Variants in NWD1 observed in about 807,000 individuals in gnomAD.
NWD1 encodes NACHT and WD repeat domain containing 1.
A neutral mutation model predicts 135.1 loss-of-function variants in NWD1; 129 were observed. The observed-to-expected ratio is 0.96, with a 90% CI of 0.83 to 1.11. The LOEUF is 1.11. NWD1 is among the 50% of genes least tolerant of loss of function. NWD1 has a pLI of 0.00. For missense variants in NWD1, 1,740 were observed against 1,851.3 expected (o/e 0.94, Z 1.10); for synonymous variants, 773 against 786.0 (o/e 0.98, Z 0.28).
At chr19:16,775,326 G>C (rs1384732667) in intron 11 of NWD1, among the ~76,000 whole-genome samples, 13 of 151,988 alleles carry the variant, frequency 8.6e-5, no homozygotes, top group Admixed American at 8.5e-4. Context: ...AAATATCAGT[G>C]GCTTAAATAA....
chr19:16,726,699 A>G (rs1055339192), intron 2 of NWD1, among the ~76,000 whole-genome samples: 1 of 152,188 alleles, frequency 6.6e-6, no homozygotes, highest in Non-Finnish European at 1.5e-5. Context: ...TCGGCCTCCC[A>G]AAGTGCTGGG....
intron 4 of NWD1, among the ~76,000 whole-genome samples, chr19:16,741,551 T>G (rs1968085129): frequency 6.6e-6 from 1 of 151,666 alleles, no homozygotes; most frequent in African/African-American, 2.4e-5. Context: ...ATATTTTTAA[T>G]AGATATGGGG....
intron 6 of NWD1, among the ~76,000 whole-genome samples, chr19:16,755,209 A>ATC (rs907853482): frequency 6.6e-5 from 10 of 151,544 alleles, no homozygotes; most frequent in Non-Finnish European, 1.3e-4. Context: ...TATCATTAAT[A>ATC]TCTCTCTCTC....
At position 16,764,730 on chromosome 19, in the gene NWD1, C is replaced by T. The variant is rs900006023; in HGVS notation, c.2252-304C>T. Among the ~76,000 whole-genome samples, 6 of 152,232 alleles carry T rather than the reference C, an allele frequency of 3.9e-5. No homozygotes were observed. In the East Asian group the frequency reaches 5.8e-4, roughly 15 times the overall value. On this transcript the variant is annotated intron_variant, in intron 9 of 18. Transcript: ENST00000524140. Reference sequence around the variant, plus strand: ...CTCTATCCATCCATTCACCAATCCCCGTGATTCTTAACCAGAAGAGATTCT... The same window carrying T: ...CTCTATCCATCCATTCACCAATCCCTGTGATTCTTAACCAGAAGAGATTCT...
At position 16,789,716 on chromosome 19, in the gene NWD1, CT is replaced by C. The variant is rs11383216; in HGVS notation, c.2940+545del. Among the ~76,000 whole-genome samples, 987 of 119,556 alleles carry C rather than the reference CT, an allele frequency of 8.3e-3. 3 individuals carry two copies. The highest frequency in any genetic ancestry group is 0.022 in the African/African-American group (664 of 30,716). The allele number at this position is 119,556 out of a possible 152,430, so 78.4% of individuals were successfully genotyped here. On this transcript the variant is annotated intron_variant, in intron 13 of 18. Coordinates refer to ENST00000524140, the MANE Select transcript of NWD1 (RefSeq NM_001007525.5). ...TATAGTCTCTCTCTCTCCTCTCTCT[CT>C]TTTTTTTTTTTTTTTTTTGAGATGG...
intron 2 of NWD1, among the ~76,000 whole-genome samples, chr19:16,725,011 T>A (rs2122665144): frequency 6.6e-6 from 1 of 150,996 alleles, no homozygotes; most frequent in South Asian, 2.1e-4. Flanking sequence ...TTTATTTATT[T>A]TTTATTTTTT....
At position 16,815,353 on chromosome 19, in the gene NWD1, G is replaced by T. The variant is rs148810266; in HGVS notation, c.*314G>T. The stretch of plus-strand genomic sequence containing the variant: ...AAAAAAATAAAAATAAAAAAACCCT[G>T]TGGGGGTATGGGGCTCCAGTGAGTT... On this transcript the variant is annotated 3_prime_UTR_variant, in exon 19 of 19. Coordinates refer to ENST00000524140, the MANE Select transcript of NWD1 (RefSeq NM_001007525.5). 2.8e-6 allele frequency: 2 copies of T among 708,222 alleles called. No individual in the cohort carries two copies. The highest frequency in any genetic ancestry group is 3.6e-5 in the African/African-American group (2 of 56,010). The allele number at this position is 708,222 out of a possible 1,614,324, so 43.9% of individuals were successfully genotyped here. A position where few individuals can be genotyped will look rare whatever the true frequency, so the allele number is the denominator to read the frequency against.
At chr19:16,807,302 TGG>T in intron 17 of NWD1, among the ~76,000 whole-genome samples, 1 of 151,968 alleles carries the variant, frequency 6.6e-6, no homozygotes, top group Non-Finnish European at 1.5e-5. Flanking sequence ...GAGACCAGCC[TGG>T]CCAACATGGA....
intron 10 of NWD1, among the ~76,000 whole-genome samples, chr19:16,766,486 C>A (rs146703380): frequency 6.4e-4 from 97 of 152,298 alleles, no homozygotes; most frequent in African/African-American, 2.2e-3. Context: ...ATTTGCTACT[C>A]CCTGCCCTAG....
At position 16,789,070 on chromosome 19, in the gene NWD1, C is replaced by G. The variant is rs1482797819; in HGVS notation, c.2820C>G (p.Leu940=). Residue 940 remains leucine, a synonymous_variant, in exon 13 of 19, where the codon CTC becomes CTG. Coordinates refer to ENST00000524140, the MANE Select transcript of NWD1 (RefSeq NM_001007525.5). Reference sequence around the variant, plus strand: ...ACACGCTGCACTTGTGGAACTTACTCTCTGGCCAGGAGAAATTTACCATTT... The same window carrying G: ...ACACGCTGCACTTGTGGAACTTACTGTCTGGCCAGGAGAAATTTACCATTT... ...KDYTLHLWNL[L]SGQEKFTIWD... is the part of the protein sequence containing the mutation. 17 of 1,613,550 alleles carry G rather than the reference C, an allele frequency of 1.1e-5. No homozygotes were observed. The highest frequency in any genetic ancestry group is 1.4e-5 in the Non-Finnish European group (17 of 1,179,812).
chr19:16,785,238 G>A (rs537326682), intron 12 of NWD1, among the ~76,000 whole-genome samples: 3 of 152,178 alleles, frequency 2.0e-5, no homozygotes, highest in African/African-American at 7.2e-5. Flanking sequence ...TAGGCCAGGC[G>A]CGGTGGCTCA....
chr19:16,774,769 C>T (rs77488746), intron 11 of NWD1, among the ~76,000 whole-genome samples: 1 of 151,988 alleles, frequency 6.6e-6, no homozygotes, highest in South Asian at 2.1e-4. Context: ...TCCTTCCTCT[C>T]TTCTATCCAC....
intron 13 of NWD1, 65 bp downstream of exon 13, chr19:16,789,255 C>G: frequency 1.5e-6 from 2 of 1,314,896 alleles, no homozygotes; most frequent in Non-Finnish European, 1.1e-6. Flanking sequence ...ACAGAATAGG[C>G]CATTTCTATA....
At chr19:16,745,231 A>G in intron 5 of NWD1, 1 of 366,018 alleles carries the variant, frequency 2.7e-6, no homozygotes, top group Non-Finnish European at 5.5e-6. Flanking sequence ...TACCACGAGA[A>G]CAGTATGGGG....
intron 1 of NWD1, among the ~76,000 whole-genome samples, chr19:16,720,904 G>T (rs1367165778): frequency 6.6e-6 from 1 of 151,830 alleles, no homozygotes; most frequent in Non-Finnish European, 1.5e-5. Context: ...AGGCTGGAGC[G>T]CAGTGGCACG....
At chr19:16,792,132 A>T (rs1451235910) in intron 14 of NWD1, among the ~76,000 whole-genome samples, 1 of 152,078 alleles carries the variant, frequency 6.6e-6, no homozygotes, top group Non-Finnish European at 1.5e-5. Flanking sequence ...CCTTCAGGGG[A>T]TCTCTAAGAC....
intron 3 of NWD1, among the ~76,000 whole-genome samples, chr19:16,735,367 G>A (rs140685964): frequency 0.034 from 5,180 of 150,600 alleles, 266 homozygotes; most frequent in African/African-American, 0.12. Context: ...TTAGCCAGGC[G>A]TGGTGGTGCA....
Position 16,797,719 on chromosome 19 carries a change from C to A in NWD1, c.3305-13C>A. On this transcript the variant is annotated splice_polypyrimidine_tract_variant and intron_variant, in intron 15 of 18. Transcript: ENST00000524140. ...GGACATGAGAGGTGTAACCCCAGTTCCTGCCGTTTCAGGCTTTGGAAGATC... is the reference window on the plus strand; with the variant it reads ...GGACATGAGAGGTGTAACCCCAGTTACTGCCGTTTCAGGCTTTGGAAGATC... 1 of 1,612,000 alleles carries A rather than the reference C, an allele frequency of 6.2e-7. No homozygotes were observed. Among genetic ancestry groups the A allele is most frequent in the South Asian group, 1.1e-5 (1 of 90,764 alleles).
At chr19:16,753,378 C>T (rs950434950) in intron 6 of NWD1, among the ~76,000 whole-genome samples, 16 of 152,194 alleles carry the variant, frequency 1.1e-4, no homozygotes, top group East Asian at 5.8e-4. Flanking sequence ...ACAGGGGTGG[C>T]GGGGGAGGTG....
Sources: gnomAD v4.1 joint callset for allele counts (sites outside exome capture counted in the v4.1 genomes callset) on GRCh38, gnomAD v4.1.1 for gene constraint, MANE v1.5 for transcripts, NCBI Gene and HGNC (gene_info 2026-07-23, HGNC 2026-07-21) for gene names.